AKR1E2: variants seen among roughly 807,000 people sequenced by gnomAD.
AKR1E2 encodes aldo-keto reductase family 1 member E2, also known as 1,5-anhydro-D-fructose reductase.
A neutral mutation model predicts 41.9 loss-of-function variants in AKR1E2; 43 were observed. The ratio of observed to expected loss-of-function variants is 1.03; its 90% CI spans 0.80 to 1.32. The LOEUF (loss-of-function observed/expected upper bound fraction) is 1.32. AKR1E2 is among the 40% of genes most tolerant of loss of function. The probability of loss-of-function intolerance (pLI) is 0.00; values close to 1 mark genes in which losing one functional copy is unlikely to be tolerated. For synonymous variants in AKR1E2, 121 were observed against 138.9 expected (o/e 0.87, Z 0.91); for missense variants, 423 against 396.5 (o/e 1.07, Z -0.57).
chr10:4,839,768 A>T lies in AKR1E2; in HGVS notation c.622A>T (p.Ser208Cys). Residue 208 changes from serine (S) to cysteine (C), a missense_variant, in exon 6 of 10, where the codon AGT (serine) becomes TGT (cysteine). Ser to Cys is a moderately radical substitution (Grantham distance 112). Transcript: ENST00000298375. ...HPYLTQKNLI[S>C]FCQSRDVSVT... ...ATATCTTACTCAGAAGAATCTGATC[A>T]GTTTTTGCCAATCCAGAGATGTGTC... is the stretch of plus-strand genomic sequence containing the variant. 1 of 1,613,876 alleles carries T rather than the reference A, an allele frequency of 6.2e-7. No homozygotes were observed. The highest frequency in any genetic ancestry group is 8.5e-7 in the Non-Finnish European group (1 of 1,179,956).
In AKR1E2 at chr10:4,841,850, C is replaced by A. The variant is rs781361993; in HGVS notation, c.746C>A (p.Pro249His). The A allele has an allele frequency of 2.0e-5, 32 of 1,613,392 alleles. No individual in the cohort carries two copies. In the South Asian group the frequency reaches 3.3e-4, roughly 17 times the overall value. Reference sequence around the variant, plus strand: ...ATTGCAAAGGAGCACGGCAAGTCTCCTGCTCAGGTAGGGAGGGAGGGCTGT... The same window carrying A: ...ATTGCAAAGGAGCACGGCAAGTCTCATGCTCAGGTAGGGAGGGAGGGCTGT... The part of the protein sequence containing the change: ...KRIAKEHGKS[P>H]AQILIRFQIQ... The change falls in exon 7 of 10, where the codon CCT becomes CAT. Residue 249 changes from proline to histidine, a missense_variant. Transcript: ENST00000298375.
intron 8 of AKR1E2, among the ~76,000 whole-genome samples, chr10:4,846,527 G>A (rs1329201041): frequency 2.0e-5 from 3 of 151,894 alleles, no homozygotes; most frequent in Non-Finnish European, 4.4e-5. Flanking sequence ...AGCAGAGTCA[G>A]TGGGAAAAAT....
rs150110049 is a variant in AKR1E2, at chr10:4,837,582, G to A, written c.582+1G>A. ...GAGGTTCAAGCCACTAACCAACCAG[G>A]TAAGCCGATGGAAGCATCAGAGAGT... On this transcript the variant is annotated splice_donor_variant, in intron 5 of 9. Transcript: ENST00000298375. LOFTEE classifies it high-confidence loss of function. 4 of 1,612,772 alleles carry A rather than the reference G, an allele frequency of 2.5e-6. No individual in the cohort carries two copies. The highest frequency in any genetic ancestry group is 3.4e-4 in the Middle Eastern group (2 of 5,914).
chr10:4,829,051 A>G (rs1832766931), intron 1 of AKR1E2, among the ~76,000 whole-genome samples: 2 of 152,068 alleles, frequency 1.3e-5, no homozygotes, highest in Admixed American at 6.5e-5. Flanking sequence ...GCTTCTTCTT[A>G]GTTGTTCAGG....
In AKR1E2 at chr10:4,830,722, A is replaced by G. The variant is rs937814846; in HGVS notation, c.87A>G (p.Ala29=). The change falls in exon 2 of 10, where the codon GCA becomes GCG. Residue 29 remains alanine (A), a synonymous_variant. Coordinates refer to ENST00000298375, the MANE Select transcript of AKR1E2 (RefSeq NM_001040177.3). The stretch of plus-strand genomic sequence containing the variant: ...AGGCAGTGAAAGAGGCCATTGACGC[A>G]GGGTACCGGCACTTCGACTGTGCTT... The part of the protein sequence containing the change: ...VTEAVKEAID[A]GYRHFDCAYF... 1.9e-6 allele frequency: 3 copies of G among 1,614,010 alleles called. No homozygotes were observed. Among genetic ancestry groups the G allele is most frequent in the South Asian group, 1.1e-5 (1 of 91,086 alleles).
the AKR1E2 span, among the ~76,000 whole-genome samples, chr10:4,861,013 G>A: frequency 6.6e-6 from 1 of 152,252 alleles, no homozygotes; most frequent in East Asian, 1.9e-4. Context: ...TATAATTTTT[G>A]AAATTTGACC....
At chr10:4,851,353 T>G (rs1455572526), downstream of AKR1E2, among the ~76,000 whole-genome samples, 1 of 152,216 alleles carries the variant, frequency 6.6e-6, no homozygotes, top group East Asian at 1.9e-4. Context: ...CCCGGTTGGA[T>G]TCTGCTCTGG....
In AKR1E2 at chr10:4,841,572, G is replaced by A. The variant is rs78293923; in HGVS notation, c.681-213G>A. 0.024 allele frequency among the ~76,000 whole-genome samples: 3,601 copies of A among 152,242 alleles called. 58 individuals are homozygous for A. Among genetic ancestry groups the A allele is most frequent in the East Asian group, 0.072 (371 of 5,164 alleles). ...CCAAATACACATGAAAAGTGATGTC[G>A]TGTAGCCTTGTTCACCAAAGTGTTA... On this transcript the variant is annotated intron_variant, in intron 6 of 9. Transcript: ENST00000298375.
At chr10:4,853,457 A>C in the AKR1E2 span, among the ~76,000 whole-genome samples, 6 of 134,962 alleles carry the variant, frequency 4.4e-5, no homozygotes, top group Non-Finnish European at 1.0e-4. Flanking sequence ...AAAAAAAAAA[A>C]ACCAAACTCT....
the AKR1E2 span, among the ~76,000 whole-genome samples, chr10:4,856,479 A>G: frequency 6.6e-6 from 1 of 152,228 alleles, no homozygotes; most frequent in African/African-American, 2.4e-5. Flanking sequence ...CAAAGTGAAT[A>G]CGATTGGATA....
intron 1 of AKR1E2, among the ~76,000 whole-genome samples, chr10:4,830,156 C>A (rs1039673600): frequency 1.3e-5 from 2 of 152,208 alleles, no homozygotes; most frequent in African/African-American, 4.8e-5. Flanking sequence ...TTCCCTAGTT[C>A]TAGTCCCTTC....
chr10:4,830,778 C>G lies in AKR1E2; in HGVS notation c.143C>G (p.Ala48Gly). The G allele has an allele frequency of 6.2e-7, 1 of 1,614,118 alleles. No individual in the cohort carries two copies. The highest frequency in any genetic ancestry group is 8.5e-7 in the Non-Finnish European group (1 of 1,180,016). The stretch of plus-strand genomic sequence containing the variant: ...TACCACAATGAGAGGGAGGTTGGAG[C>G]AGGGATCCGTTGCAAGATCAAGGAA... ...YFYHNEREVG[A>G]GIRCKIKEGA... Residue 48 changes from alanine (A) to glycine (G), a missense_variant, in exon 2 of 10, where the codon GCA becomes GGA. Ala to Gly is a moderately conservative substitution (Grantham distance 60). Transcript: ENST00000298375.
At chr10:4,842,761 C>G (rs1023266857) in intron 8 of AKR1E2, among the ~76,000 whole-genome samples, 6 of 152,286 alleles carry the variant, frequency 3.9e-5, no homozygotes, top group Non-Finnish European at 7.4e-5. Flanking sequence ...GGAAGAGCAT[C>G]TTGTTGGGAT....
chr10:4,844,951 G>A (rs1446032600), intron 8 of AKR1E2, among the ~76,000 whole-genome samples: 25 of 152,204 alleles, frequency 1.6e-4, no homozygotes, highest in Non-Finnish European at 3.7e-4. Context: ...GGGACCTGGT[G>A]CCATGGAGCA....
At chr10:4,842,336 C>T (rs1833957379) in intron 7 of AKR1E2, 85 bp from the exon 8 acceptor site, 3 of 1,198,114 alleles carry the variant, frequency 2.5e-6, no homozygotes, top group Non-Finnish European at 3.7e-6. Flanking sequence ...ACTCTTACTG[C>T]ATGATAAAAC....
At chr10:4,848,783 G>A (rs1309388667), downstream of AKR1E2, among the ~76,000 whole-genome samples, 1 of 152,136 alleles carries the variant, frequency 6.6e-6, no homozygotes, top group African/African-American at 2.4e-5. Context: ...CAGAGGTGTG[G>A]GTTCTGCAGA....
rs1833366525 is a variant in AKR1E2, at chr10:4,835,805, G to A, written c.455G>A (p.Trp152Ter). 6.2e-7 allele frequency: 1 copy of A among 1,613,698 alleles called. No homozygotes were observed. The highest frequency in any genetic ancestry group is 1.7e-5 in the Admixed American group (1 of 59,996). ...IPSDTDFLDT[W>*]EAMEDLVITG... ...AGTGACACGGACTTCCTGGACACGT[G>A]GGAGGTGAGCTGAGCCACACCACCA... The change falls in exon 4 of 10, where the codon TGG becomes TAG. Residue 152 changes from tryptophan to a stop codon, truncating the protein, a stop_gained. Coordinates refer to ENST00000298375, the MANE Select transcript of AKR1E2 (RefSeq NM_001040177.3). LOFTEE classifies it high-confidence loss of function.
intron 3 of AKR1E2, among the ~76,000 whole-genome samples, chr10:4,835,265 G>A (rs997867275): frequency 6.6e-6 from 1 of 152,138 alleles, no homozygotes; most frequent in African/African-American, 2.4e-5. Flanking sequence ...ATCATGATGG[G>A]GATTCTAAGA....
the AKR1E2 span, among the ~76,000 whole-genome samples, chr10:4,866,673 C>T: frequency 7.5e-6 from 1 of 133,180 alleles, no homozygotes; most frequent in African/African-American, 2.7e-5. Flanking sequence ...GATGGAGTCT[C>T]GCTGTCGCCC....
Sources: gnomAD v4.1 joint callset for allele counts (sites outside exome capture counted in the v4.1 genomes callset) on GRCh38, gnomAD v4.1.1 for gene constraint, MANE v1.5 for transcripts, NCBI Gene and HGNC (gene_info 2026-07-23, HGNC 2026-07-21) for gene names.